Variants in KDM4C observed in about 807,000 individuals in gnomAD.
KDM4C encodes the protein lysine demethylase 4C.
In KDM4C, 81 loss-of-function variants were observed where a neutral mutation model predicts 129.3. The observed-to-expected ratio is 0.63, with a 90% confidence interval of 0.52 to 0.75. The LOEUF is 0.75. Among genes scored for constraint, KDM4C ranks in the 30% least tolerant of loss-of-function variants. The pLI, the probability that KDM4C is intolerant of heterozygous loss-of-function variation, is 0.00. For synonymous variants in KDM4C, 573 were observed against 456.1 expected, an observed-to-expected ratio of 1.26 and a Z score of -3.26; for missense variants, 1,457 against 1,304.0, an observed-to-expected ratio of 1.12 and a Z score of -1.81.
intron 2 of KDM4C, among the ~76,000 whole-genome samples, chr9:6,803,804 A>G (rs1260837485): frequency 6.6e-6 from 1 of 151,680 alleles, no homozygotes; most frequent in African/African-American, 2.4e-5. Flanking sequence ...TTGCTTCATG[A>G]CGTTGTACGT....
intron 8 of KDM4C, among the ~76,000 whole-genome samples, chr9:6,897,058 C>G (rs62535693): frequency 0.076 from 11,639 of 152,228 alleles, 651 homozygotes; most frequent in Non-Finnish European, 0.12. Context: ...TTAGCAAATT[C>G]CTGGATGTTT....
chr9:6,923,002 C>A lies in KDM4C; in HGVS notation c.921+29770C>A, dbSNP rs147330531. Among the ~76,000 whole-genome samples the A allele has an allele frequency of 1.5e-3, 231 of 152,224 alleles. 2 individuals are homozygous for A. The highest frequency in any genetic ancestry group is 6.8e-3 in the Middle Eastern group (2 of 294). On this transcript the variant is annotated intron_variant, in intron 8 of 21. Coordinates refer to ENST00000381309, the MANE Select transcript of KDM4C (RefSeq NM_015061.6). ...GTCACAGGGTGATGTCTCAATAAAT[C>A]CTCTCATTTCTTGTTTTGTCATATG... is the stretch of plus-strand genomic sequence containing the variant.
chr9:7,120,601 T>C (rs190024017), intron 18 of KDM4C, among the ~76,000 whole-genome samples: 2 of 152,336 alleles, frequency 1.3e-5, no homozygotes, highest in East Asian at 3.9e-4. Flanking sequence ...ATTTATTTGA[T>C]TGAAACAACA....
In KDM4C at chr9:7,019,736, A is replaced by AAAAATATTATATTTTTATATAT. The variant is rs1563993123; in HGVS notation, c.2259+3814_2259+3815insTATATTTTTATATATAAAATAT. Among the ~76,000 whole-genome samples, 574 of 117,410 alleles carry AAAAATATTATATTTTTATATAT rather than the reference A, an allele frequency of 4.9e-3. 13 individuals are homozygous for AAAAATATTATATTTTTATATAT. The highest frequency in any genetic ancestry group is 8.0e-3 in the Middle Eastern group (2 of 250). 77.0% of individuals were successfully genotyped at this position (117,410 alleles called of 152,430 possible). ...ATAAAAATATAATATTTTTATATAT[A>AAAAATATTATATTTTTATATAT]AAAATATAATATTTTTATATATAAA... On this transcript the variant is annotated intron_variant, in intron 15 of 21. Transcript: ENST00000381309.
chr9:6,790,592 T>A (rs931670479), intron 1 of KDM4C, among the ~76,000 whole-genome samples: 2 of 145,684 alleles, frequency 1.4e-5, no homozygotes, highest in Non-Finnish European at 3.0e-5. Flanking sequence ...CTCATGACGT[T>A]TCACCCTTTT....
intron 1 of KDM4C, among the ~76,000 whole-genome samples, chr9:6,728,862 CAAACAA>C (rs1453126805): frequency 6.6e-6 from 1 of 150,848 alleles, no homozygotes; most frequent in East Asian, 2.0e-4. Context: ...CAAAACAAAA[CAAACAA>C]AAAGTATTCT....
chr9:7,052,898 A>AGAGAGAGAGACAGC (rs1477487723), intron 17 of KDM4C, among the ~76,000 whole-genome samples: 1,340 of 47,570 alleles, frequency 0.028, 73 homozygotes, highest in African/African-American at 0.057. Context: ...AGAGAGAGAG[A>AGAGAGAGAGACAGC]GAGCGAGCGA....
intron 12 of KDM4C, among the ~76,000 whole-genome samples, chr9:6,994,168 A>T (rs1819270966): frequency 6.6e-6 from 1 of 152,050 alleles, no homozygotes; most frequent in South Asian, 2.1e-4. Context: ...ATGAGAGTAT[A>T]ATGCCACTGC....
chr9:6,866,962 AAT>A (rs1318298629), intron 5 of KDM4C, among the ~76,000 whole-genome samples: 4 of 137,914 alleles, frequency 2.9e-5, no homozygotes, highest in Non-Finnish European at 4.6e-5. Context: ...TGTATATAAA[AAT>A]ATATGTTTGT....
intron 4 of KDM4C, among the ~76,000 whole-genome samples, chr9:6,842,785 A>ACC (rs35686777): frequency 2.0e-5 from 3 of 151,610 alleles, no homozygotes; most frequent in Non-Finnish European, 4.4e-5. Flanking sequence ...AATACACATC[A>ACC]CCCCCAATAC....
intron 1 of KDM4C, chr9:6,734,713 A>T (rs1817465894): frequency 9.7e-6 from 3 of 308,700 alleles, no homozygotes; most frequent in Non-Finnish European, 1.9e-5. Context: ...CTGAGTCAAA[A>T]TAGGATTTTT....
intron 1 of KDM4C, among the ~76,000 whole-genome samples, chr9:6,788,317 A>C (rs534345681): frequency 5.3e-5 from 8 of 152,168 alleles, no homozygotes; most frequent in African/African-American, 1.9e-4. Context: ...TGACTCAGTG[A>C]TTTCCTTTTT....
At position 6,758,227 on chromosome 9, in the gene KDM4C, G is replaced by T; in HGVS notation, c.-18+24G>T. 2.0e-6 allele frequency: 2 copies of T among 984,654 alleles called. No homozygotes were observed. The highest frequency in any genetic ancestry group is 2.4e-6 in the Non-Finnish European group (2 of 829,184). The allele number at this position is 984,654 out of a possible 1,614,324, so 61.0% of individuals were successfully genotyped here. A position where few individuals can be genotyped will look rare whatever the true frequency, so the allele number is the denominator to read the frequency against. On this transcript the variant is annotated intron_variant, in intron 1 of 21. Coordinates refer to ENST00000381309, the MANE Select transcript of KDM4C (RefSeq NM_015061.6). This position sits in a 1 kb window ranked among gnomAD's most constrained non-coding sequence, Gnocchi z 4.6. ...AGGTAACCGCTTTTCCGGAGTCTGG[G>T]GGCCAGGGCGGGGGGAGGGTCCGGA...
chr9:7,016,349 G>C (rs1466988259), intron 15 of KDM4C, among the ~76,000 whole-genome samples: 1 of 150,106 alleles, frequency 6.7e-6, no homozygotes, highest in Non-Finnish European at 1.5e-5. Context: ...GGATGGTCTC[G>C]ATCTCCTGAC....
chr9:6,807,115 C>T (rs1377491744), intron 3 of KDM4C, among the ~76,000 whole-genome samples: 1 of 151,910 alleles, frequency 6.6e-6, no homozygotes, highest in Admixed American at 6.6e-5. Flanking sequence ...GTCTCCAGCC[C>T]CTAACCGCGA....
At chr9:6,771,908 A>T (rs1015783141) in intron 1 of KDM4C, among the ~76,000 whole-genome samples, 1 of 151,834 alleles carries the variant, frequency 6.6e-6, no homozygotes, top group Admixed American at 6.6e-5. Context: ...TACCTGGGAG[A>T]CTCAAGTAGC....
At chr9:6,980,837 A>C in intron 8 of KDM4C, 88 bp from the exon 9 acceptor site, 1 of 1,105,142 alleles carries the variant, frequency 9.0e-7, no homozygotes, top group Non-Finnish European at 1.3e-6. Context: ...GTGACTAAGT[A>C]TTCATGGATG....
Position 7,108,675 on chromosome 9 carries a change from G to A in KDM4C, c.2610+4805G>A, listed in dbSNP as rs562659300. Among the ~76,000 whole-genome samples the A allele has an allele frequency of 2.0e-4, 30 of 152,284 alleles. No individual in the cohort carries two copies. In the South Asian group the frequency reaches 4.4e-3, roughly 22 times the overall value. ...CACAGAATCTGGTGAAGGGCTCAAAGCAAGGGCTCTGTGGGTTAACCTATG... is the reference window on the plus strand; with the variant it reads ...CACAGAATCTGGTGAAGGGCTCAAAACAAGGGCTCTGTGGGTTAACCTATG... On this transcript the variant is annotated intron_variant, in intron 18 of 21. Coordinates refer to ENST00000381309, the MANE Select transcript of KDM4C (RefSeq NM_015061.6).
intron 8 of KDM4C, among the ~76,000 whole-genome samples, chr9:6,979,730 T>G (rs1816439686): frequency 6.6e-6 from 1 of 152,100 alleles, no homozygotes; most frequent in African/African-American, 2.4e-5. Context: ...TATGCTAGGA[T>G]TCAAGGCCTG....
Sources: allele counts gnomAD v4.1 joint callset (sites outside exome capture counted in the v4.1 genomes callset), GRCh38; gene constraint gnomAD v4.1.1; non-coding constraint Gnocchi (gnomAD v3.1); transcripts MANE v1.5; gene names NCBI Gene and HGNC (gene_info 2026-07-23, HGNC 2026-07-21).